The following CDH18 variants were observed in gnomAD, a reference collection of about 807,000 sequenced individuals.
The protein encoded by CDH18 is cadherin-18.
CDH18 carries 31 observed loss-of-function variants against 67.9 expected under a neutral mutation model. The observed-to-expected ratio is 0.46, with a 90% CI of 0.34 to 0.62. CDH18 has a LOEUF of 0.62. Among genes scored for constraint, CDH18 ranks in the 20% least tolerant of loss-of-function variants. The pLI is 0.01. For missense variants in CDH18, 890 were observed against 975.5 expected (o/e 0.91, Z 1.17); for synonymous variants, 362 against 347.2 (o/e 1.04, Z -0.48).
chr5:20,275,406 C>A (rs1187819122), intron 1 of CDH18, among the ~76,000 whole-genome samples: 2 of 152,092 alleles, frequency 1.3e-5, no homozygotes, highest in Non-Finnish European at 2.9e-5. Context: ...TTTTCTGAGG[C>A]CTCCTTATCA....
chr5:19,980,017 G>A (rs980400226), intron 2 of CDH18, among the ~76,000 whole-genome samples: 3 of 152,148 alleles, frequency 2.0e-5, no homozygotes, highest in Non-Finnish European at 4.4e-5. Context: ...AAGTCAAACT[G>A]TCACTGTTTG....
chr5:20,521,241 T>G (rs1460421846), intron 1 of CDH18, among the ~76,000 whole-genome samples: 1 of 152,116 alleles, frequency 6.6e-6, no homozygotes, highest in Non-Finnish European at 1.5e-5. Context: ...ATGTTTTATT[T>G]CTTGACTAGG....
At chr5:20,311,555 A>G (rs1181470231) in intron 1 of CDH18, among the ~76,000 whole-genome samples, 2 of 152,166 alleles carry the variant, frequency 1.3e-5, no homozygotes, top group Non-Finnish European at 2.9e-5. Context: ...ACAGAAAACG[A>G]AAAACCACAT....
chr5:19,806,948 C>A (rs944694287), intron 3 of CDH18, among the ~76,000 whole-genome samples: 8 of 152,178 alleles, frequency 5.3e-5, no homozygotes, highest in African/African-American at 1.9e-4. Context: ...CAGCCTACTA[C>A]ACACTAAGAC....
intron 2 of CDH18, among the ~76,000 whole-genome samples, chr5:20,199,627 T>C (rs1739284384): frequency 6.6e-6 from 1 of 152,166 alleles, no homozygotes; most frequent in East Asian, 1.9e-4. Flanking sequence ...TGAGAAGGCA[T>C]GACTGTGTTT....
intron 1 of CDH18, among the ~76,000 whole-genome samples, chr5:20,527,028 A>G (rs1756108370): frequency 6.6e-6 from 1 of 152,054 alleles, no homozygotes; most frequent in African/African-American, 2.4e-5. Context: ...TGATTACAGG[A>G]GCTGTTAACT....
intron 2 of CDH18, among the ~76,000 whole-genome samples, chr5:20,232,738 T>C (rs1022704919): frequency 5.9e-5 from 9 of 152,132 alleles, no homozygotes; most frequent in Non-Finnish European, 8.8e-5. Flanking sequence ...TAGAATTTTT[T>C]ATTTTGAAAC....
chr5:19,965,224 G>T (rs1797310116), intron 2 of CDH18, among the ~76,000 whole-genome samples: 2 of 152,194 alleles, frequency 1.3e-5, no homozygotes, highest in Admixed American at 6.5e-5. Flanking sequence ...GCATAACAAT[G>T]CCATAAGCTA....
chr5:20,141,800 A>G (rs1248280717), intron 2 of CDH18, among the ~76,000 whole-genome samples: 1 of 152,080 alleles, frequency 6.6e-6, no homozygotes, highest in Non-Finnish European at 1.5e-5. Flanking sequence ...AAGGAGGAGG[A>G]ATTTAGAGAA....
chr5:20,504,568 C>T (rs1053725500), intron 1 of CDH18, among the ~76,000 whole-genome samples: 2 of 151,914 alleles, frequency 1.3e-5, no homozygotes, highest in Admixed American at 1.3e-4. Context: ...TCACTTAGTA[C>T]ATATAGAATC....
At chr5:19,608,363 A>T (rs1485829899) in intron 6 of CDH18, among the ~76,000 whole-genome samples, 1 of 151,762 alleles carries the variant, frequency 6.6e-6, no homozygotes, top group Non-Finnish European at 1.5e-5. Flanking sequence ...AATTAAAAAA[A>T]ATCCTGCATA....
chr5:20,140,638 G>T (rs1750173348), intron 2 of CDH18, among the ~76,000 whole-genome samples: 1 of 152,040 alleles, frequency 6.6e-6, no homozygotes, highest in African/African-American at 2.4e-5. Context: ...CTCCAGATGT[G>T]TCAGACTCTC....
intron 2 of CDH18, among the ~76,000 whole-genome samples, chr5:20,252,222 G>A (rs1005281835): frequency 1.4e-4 from 21 of 152,018 alleles, no homozygotes; most frequent in Middle Eastern, 3.4e-3. Context: ...ATGGTGGCGC[G>A]CGCCTTTAGT....
At chr5:20,020,367 G>C (rs753149668) in intron 2 of CDH18, among the ~76,000 whole-genome samples, 1 of 152,112 alleles carries the variant, frequency 6.6e-6, no homozygotes, top group Non-Finnish European at 1.5e-5. Context: ...GGAGCTGAAC[G>C]TTAATAGCTA....
intron 1 of CDH18, among the ~76,000 whole-genome samples, chr5:20,335,260 A>G (rs1739617676): frequency 6.6e-6 from 1 of 151,970 alleles, no homozygotes; most frequent in Non-Finnish European, 1.5e-5. Context: ...TTCCCCCAGG[A>G]CTTTTGCATT....
intron 1 of CDH18, among the ~76,000 whole-genome samples, chr5:20,482,533 T>C (rs111631912): frequency 0.03 from 4,619 of 152,188 alleles, 83 homozygotes; most frequent in Non-Finnish European, 0.043. Context: ...AATAAAATAC[T>C]AGCAAATTGA....
chr5:19,502,131 A>G (rs1743351006), intron 11 of CDH18, among the ~76,000 whole-genome samples: 1 of 152,200 alleles, frequency 6.6e-6, no homozygotes, highest in Non-Finnish European at 1.5e-5. Context: ...CTTGCATTTG[A>G]AAATCTTCTC....
At chr5:20,531,462 A>C (rs1421596087) in intron 1 of CDH18, among the ~76,000 whole-genome samples, 3 of 152,234 alleles carry the variant, frequency 2.0e-5, no homozygotes, top group East Asian at 3.9e-4. Context: ...AGCACTGTTC[A>C]CAATAGCAAA....
At chr5:20,527,601 A>G (rs1263976603) in intron 1 of CDH18, among the ~76,000 whole-genome samples, 1 of 152,122 alleles carries the variant, frequency 6.6e-6, no homozygotes, top group Admixed American at 6.5e-5. Flanking sequence ...TTGAGGGTCA[A>G]TATTCAACAT....
Sources: allele counts gnomAD v4.1 joint callset (sites outside exome capture counted in the v4.1 genomes callset), GRCh38; gene constraint gnomAD v4.1.1; transcripts MANE v1.5; gene names NCBI Gene and HGNC (gene_info 2026-07-23, HGNC 2026-07-21).